MAML3: variants seen among roughly 807,000 people sequenced by gnomAD.
The protein encoded by MAML3 is mastermind like transcriptional coactivator 3, also known as mastermind-like protein 3.
Under a neutral mutation model 101.9 loss-of-function variants are expected in MAML3, and 27 were observed. The ratio of observed to expected loss-of-function variants is 0.27; its 90% CI spans 0.20 to 0.37. The LOEUF is 0.37. Among genes scored for constraint, MAML3 ranks in the 10% least tolerant of loss-of-function variants. The pLI is 1.00. For synonymous variants in MAML3, 501 were observed against 555.9 expected, an observed-to-expected ratio of 0.90 and a Z score of 1.39; for missense variants, 1,316 against 1,444.9, an observed-to-expected ratio of 0.91 and a Z score of 1.45.
intron 2 of MAML3, among the ~76,000 whole-genome samples, chr4:139,851,984 C>T (rs1731562962): frequency 1.3e-5 from 2 of 152,156 alleles, no homozygotes; most frequent in Admixed American, 6.5e-5. Context: ...ACCCTGAGTA[C>T]CTTAGGACTT....
rs758261069 is a variant in MAML3, at chr4:139,889,740, T to C, written c.1696A>G (p.Met566Val). 15 of 1,613,934 alleles carry C rather than the reference T, an allele frequency of 9.3e-6. No homozygotes were observed. The highest frequency in any genetic ancestry group is 6.7e-5 in the East Asian group (3 of 44,898). ...PMANNLQKTT[M>V]NNYLPQNHMN... ...TGATTCTGAGGGAGGTAGTTATTCA[T>C]TGTTGTCTTCTGCAGGTTGTTTGCC... Residue 566 changes from methionine (M) to valine (V), a missense_variant, in exon 2 of 5, where the codon ATG (methionine) becomes GTG (valine). Met to Val is a conservative substitution (Grantham distance 21). Coordinates refer to ENST00000509479, the MANE Select transcript of MAML3 (RefSeq NM_018717.5).
chr4:139,981,106 A>G (rs1734435828), intron 1 of MAML3, among the ~76,000 whole-genome samples: 1 of 152,234 alleles, frequency 6.6e-6, no homozygotes, highest in South Asian at 2.1e-4. Context: ...TTATTTTCTC[A>G]GCGTTCTGGA....
At position 139,719,317 on chromosome 4, in the gene MAML3, T is replaced by A. The variant is rs756738271; in HGVS notation, c.*6A>T. 1 of 1,560,396 alleles carries A rather than the reference T, an allele frequency of 6.4e-7. No individual in the cohort carries two copies. Among genetic ancestry groups the A allele is most frequent in the Non-Finnish European group, 8.7e-7 (1 of 1,151,202 alleles). On this transcript the variant is annotated 3_prime_UTR_variant, in exon 5 of 5. Transcript: ENST00000509479. ...CTCGAGTTGTGGATCTTGGGGCCTC[T>A]CTTGATTAGGGGTTACCAAACAATT...
At chr4:140,092,180 A>G (rs1266678250) in intron 1 of MAML3, among the ~76,000 whole-genome samples, 2 of 148,634 alleles carry the variant, frequency 1.3e-5, no homozygotes, top group Non-Finnish European at 3.0e-5. Context: ...GGGAACTCAG[A>G]CTTAATTTAA....
chr4:140,077,040 G>A (rs1727779728), intron 1 of MAML3, among the ~76,000 whole-genome samples: 1 of 151,898 alleles, frequency 6.6e-6, no homozygotes, highest in Non-Finnish European at 1.5e-5. Flanking sequence ...ACAGGCGCCC[G>A]CCACCACACC....
chr4:140,104,365 TATATATATATA>T (rs1346988325), intron 1 of MAML3, among the ~76,000 whole-genome samples: 1 of 65,528 alleles, frequency 1.5e-5, no homozygotes, highest in Admixed American at 2.7e-4. Context: ...ACCTATTTTA[TATATATATATA>T]ATATATATAT....
chr4:140,046,878 A>G (rs1727192235), intron 1 of MAML3, among the ~76,000 whole-genome samples: 1 of 152,066 alleles, frequency 6.6e-6, no homozygotes, highest in Non-Finnish European at 1.5e-5. Context: ...ATTTGAGGCA[A>G]TTTTGCAGAG....
At chr4:139,919,565 G>A (rs930516211) in intron 1 of MAML3, among the ~76,000 whole-genome samples, 3 of 152,160 alleles carry the variant, frequency 2.0e-5, no homozygotes, top group African/African-American at 7.2e-5. Context: ...GGAATGACAG[G>A]CAGAAGTGAG....
chr4:139,869,052 T>A (rs1285181403), intron 2 of MAML3, among the ~76,000 whole-genome samples: 1 of 152,258 alleles, frequency 6.6e-6, no homozygotes, highest in Non-Finnish European at 1.5e-5. Context: ...AGAACTGTGC[T>A]ATGGTCTTTC....
rs188025762 is a variant in MAML3 at position 139,783,819 on chromosome 4, C to T, written c.2080-53152G>A. Among the ~76,000 whole-genome samples, 462 of 152,274 alleles carry T rather than the reference C, an allele frequency of 3.0e-3. 1 individual carries two copies. The highest frequency in any genetic ancestry group is 4.7e-3 in the Non-Finnish European group (323 of 68,028). ...AGGACCCTCCCAGTCAGCGATTGGC[C>T]GTCTGATTGGATGCACATTCATCTT... On this transcript the variant is annotated intron_variant, in intron 2 of 4. Transcript: ENST00000509479.
chr4:140,134,770 A>G (rs1242358297), intron 1 of MAML3, among the ~76,000 whole-genome samples: 1 of 152,184 alleles, frequency 6.6e-6, no homozygotes, highest in Non-Finnish European at 1.5e-5. Flanking sequence ...GAGACCAAGA[A>G]TATGGTGACA....
chr4:140,119,596 T>TCCCC (rs1728570908), intron 1 of MAML3, among the ~76,000 whole-genome samples: 1 of 101,866 alleles, frequency 9.8e-6, no homozygotes, highest in African/African-American at 4.0e-5. Flanking sequence ...TTTTTCCCCC[T>TCCCC]CCCTCCCTCC....
At chr4:139,833,700 GC>G (rs1731211166) in intron 2 of MAML3, among the ~76,000 whole-genome samples, 1 of 152,154 alleles carries the variant, frequency 6.6e-6, no homozygotes, top group South Asian at 2.1e-4. Context: ...AGGCTGCAGT[GC>G]CAAGGGGTGG....
intron 1 of MAML3, among the ~76,000 whole-genome samples, chr4:139,988,896 AG>A (rs1734608020): frequency 6.6e-6 from 1 of 152,188 alleles, no homozygotes; most frequent in African/African-American, 2.4e-5. Flanking sequence ...CCTGTTAAAC[AG>A]GGGGCAATCA....
At chr4:139,856,711 T>C (rs1731669965) in intron 2 of MAML3, among the ~76,000 whole-genome samples, 1 of 152,226 alleles carries the variant, frequency 6.6e-6, no homozygotes, top group South Asian at 2.1e-4. Flanking sequence ...CTCTAAACTT[T>C]GTGATTCTGT....
intron 2 of MAML3, among the ~76,000 whole-genome samples, chr4:139,810,133 T>C (rs560111373): frequency 6.6e-6 from 1 of 152,114 alleles, no homozygotes; most frequent in South Asian, 2.1e-4. Flanking sequence ...CCAAATTTCA[T>C]TTTTCCTAAT....
chr4:139,850,897 C>T (rs1348822343), intron 2 of MAML3, among the ~76,000 whole-genome samples: 6 of 145,012 alleles, frequency 4.1e-5, no homozygotes, highest in Admixed American at 4.1e-4. Flanking sequence ...GGATTATTTG[C>T]AAGATTAAAA....
At position 139,881,520 on chromosome 4, in the gene MAML3, TAAC is replaced by T. The variant is rs1403155247; in HGVS notation, c.2079+7834_2079+7836del. On this transcript the variant is annotated intron_variant, in intron 2 of 4. Coordinates refer to ENST00000509479, the MANE Select transcript of MAML3 (RefSeq NM_018717.5). Reference sequence around the variant, plus strand: ...GGCAGGTTCTAGGCGAATCACCCTATAACAAAGCACCACACTTTACAAGCCCCA... The same window carrying T: ...GGCAGGTTCTAGGCGAATCACCCTATAAAGCACCACACTTTACAAGCCCCA... Among the ~76,000 whole-genome samples the T allele has an allele frequency of 7.9e-5, 12 of 152,246 alleles. No individual in the cohort carries two copies. The East Asian group carries it at 2.3e-3, about 29-fold the overall frequency.
intron 2 of MAML3, among the ~76,000 whole-genome samples, chr4:139,847,693 T>C (rs2111151892): frequency 6.6e-6 from 1 of 152,334 alleles, no homozygotes; most frequent in East Asian, 1.9e-4. Context: ...GATCACCAAA[T>C]TCATGGTAAT....
Sources: allele counts gnomAD v4.1 joint callset (sites outside exome capture counted in the v4.1 genomes callset), GRCh38; gene constraint gnomAD v4.1.1; transcripts MANE v1.5; gene names NCBI Gene and HGNC (gene_info 2026-07-23, HGNC 2026-07-21).